DENND5B: variants seen among roughly 807,000 people sequenced by gnomAD.
DENND5B encodes the protein DENN domain containing 5B, also known as DENN domain-containing protein 5B.
Under a neutral mutation model 140.6 loss-of-function variants are expected in DENND5B, and 34 were observed. The ratio of observed to expected loss-of-function variants is 0.24; its 90% CI spans 0.18 to 0.32. DENND5B has a LOEUF of 0.32. Among genes scored for constraint, DENND5B ranks in the 10% least tolerant of loss-of-function variants. The probability of loss-of-function intolerance (pLI) is 1.00; values close to 1 mark genes in which losing one functional copy is unlikely to be tolerated. For missense variants in DENND5B, 1,142 were observed against 1,560.2 expected, an observed-to-expected ratio of 0.73 and a Z score of 4.52; for synonymous variants, 551 against 562.1, an observed-to-expected ratio of 0.98 and a Z score of 0.28.
intron 1 of DENND5B, among the ~76,000 whole-genome samples, chr12:31,584,144 C>T (rs1362873416): frequency 6.6e-6 from 1 of 152,158 alleles, no homozygotes; most frequent in Non-Finnish European, 1.5e-5. Context: ...AAAGGATGTG[C>T]ACAGGAATTT....
rs7132108 is a variant in DENND5B, at chr12:31,411,925, C to T, written c.2681+1511G>A. 8.6e-3 allele frequency among the ~76,000 whole-genome samples: 1,316 copies of T among 152,296 alleles called. 22 individuals carry two copies. The highest frequency in any genetic ancestry group is 0.03 in the African/African-American group (1,265 of 41,572). On this transcript the variant is annotated intron_variant, in intron 13 of 20. Transcript: ENST00000389082. ...TCAAAGTCCTTAGCCTTCAAATTAG[C>T]ACTAATGTAAATATAAGGGCAATAT...
intron 3 of DENND5B, among the ~76,000 whole-genome samples, chr12:31,462,236 C>T (rs927784908): frequency 2.0e-5 from 3 of 151,988 alleles, no homozygotes; most frequent in African/African-American, 7.2e-5. Flanking sequence ...AGCTGGTACT[C>T]TCTGTGCAGG....
intron 1 of DENND5B, among the ~76,000 whole-genome samples, chr12:31,535,844 A>C (rs1948475384): frequency 6.6e-6 from 1 of 152,216 alleles, no homozygotes; most frequent in African/African-American, 2.4e-5. Flanking sequence ...GAGATATGTG[A>C]CTGATATGGT....
chr12:31,512,161 C>G (rs143143045), intron 1 of DENND5B, among the ~76,000 whole-genome samples: 1 of 151,688 alleles, frequency 6.6e-6, no homozygotes, highest in African/African-American at 2.4e-5. Flanking sequence ...GTGATCTGCC[C>G]GCCTCGGCCT....
intron 14 of DENND5B, among the ~76,000 whole-genome samples, chr12:31,404,854 G>A (rs6487990): frequency 0.41 from 59,267 of 145,786 alleles, 12,389 homozygotes; most frequent in Admixed American, 0.58. Flanking sequence ...CTGCCTCCCG[G>A]GCTCAAGCGA....
In DENND5B at chr12:31,435,699, C is replaced by T. The variant is rs140313547; in HGVS notation, c.2013-2451G>A. On this transcript the variant is annotated intron_variant, in intron 7 of 20. Coordinates refer to ENST00000389082, the MANE Select transcript of DENND5B (RefSeq NM_144973.4). ...TGTTTGAGACGGAGTCTTGTTCTGT[C>T]GCCCAGGCTGGAGTACAGTGGCAAG... Among the ~76,000 whole-genome samples, 1,463 of 152,198 alleles carry T rather than the reference C, an allele frequency of 9.6e-3. 26 individuals are homozygous for T. The highest frequency in any genetic ancestry group is 0.033 in the African/African-American group (1,381 of 41,528).
At chr12:31,587,119 C>G (rs575504440) in intron 1 of DENND5B, among the ~76,000 whole-genome samples, 1 of 152,154 alleles carries the variant, frequency 6.6e-6, no homozygotes, top group African/African-American at 2.4e-5. Context: ...CAATCATTTG[C>G]GTGTCCTCCT....
intron 13 of DENND5B, 120 bp downstream of exon 13, chr12:31,413,316 G>A (rs1314121055): frequency 2.5e-6 from 3 of 1,193,914 alleles, no homozygotes; most frequent in East Asian, 5.1e-5. Flanking sequence ...AGATAAAGAA[G>A]AATGCATGTG....
chr12:31,515,298 C>T (rs1947587852), intron 1 of DENND5B, among the ~76,000 whole-genome samples: 1 of 152,048 alleles, frequency 6.6e-6, no homozygotes, highest in Non-Finnish European at 1.5e-5. Flanking sequence ...GAGTGAGACC[C>T]CATCTCTAAA....
intron 1 of DENND5B, among the ~76,000 whole-genome samples, chr12:31,555,660 A>G (rs1467274838): frequency 6.6e-6 from 1 of 152,256 alleles, no homozygotes; most frequent in Non-Finnish European, 1.5e-5. Flanking sequence ...TGGCGCCTAC[A>G]GATGCAGGCA....
At chr12:31,401,217 G>T (rs1301232298) in intron 15 of DENND5B, among the ~76,000 whole-genome samples, 3 of 152,220 alleles carry the variant, frequency 2.0e-5, no homozygotes, top group Non-Finnish European at 4.4e-5. Flanking sequence ...ACTTAGGGAT[G>T]ATGGCATCTT....
At chr12:31,421,811 C>G (rs1943037169) in intron 11 of DENND5B, among the ~76,000 whole-genome samples, 2 of 152,302 alleles carry the variant, frequency 1.3e-5, no homozygotes, top group South Asian at 4.1e-4. Flanking sequence ...CTTGCCCTCC[C>G]AAAGTGTTGG....
In DENND5B at chr12:31,478,512, G is replaced by C. The variant is rs141743715; in HGVS notation, c.904+1077C>G. The stretch of plus-strand genomic sequence containing the variant: ...TTGAGCCTAGGATTTTGAGAGTCCA[G>C]GGCAAGACAGTGACAGTCCGTCTCT... On this transcript the variant is annotated intron_variant, in intron 3 of 20. Transcript: ENST00000389082. Among the ~76,000 whole-genome samples, 3 of 152,176 alleles carry C rather than the reference G, an allele frequency of 2.0e-5. No individual in the cohort carries two copies. The East Asian group carries it at 5.8e-4, about 29-fold the overall frequency.
chr12:31,586,191 A>G (rs1469132389), intron 1 of DENND5B, among the ~76,000 whole-genome samples: 1 of 152,218 alleles, frequency 6.6e-6, no homozygotes, highest in Non-Finnish European at 1.5e-5. Context: ...TAAGATTTCA[A>G]AATGATGTCT....
At chr12:31,491,206 G>T (rs948776257) in intron 2 of DENND5B, among the ~76,000 whole-genome samples, 1 of 152,092 alleles carries the variant, frequency 6.6e-6, no homozygotes, top group African/African-American at 2.4e-5. Context: ...AGGCACAGTG[G>T]CTCACAGAGG....
chr12:31,501,050 T>C (rs1428610111), intron 1 of DENND5B, among the ~76,000 whole-genome samples: 1 of 152,164 alleles, frequency 6.6e-6, no homozygotes, highest in Admixed American at 6.5e-5. Context: ...ACATGACAAC[T>C]TATGGGGATG....
intron 1 of DENND5B, among the ~76,000 whole-genome samples, chr12:31,549,892 T>C (rs1360830503): frequency 6.6e-6 from 1 of 152,176 alleles, no homozygotes; most frequent in Admixed American, 6.5e-5. Context: ...TCCACGTCTT[T>C]GCTACTGCAG....
chr12:31,442,727 C>T, intron 7 of DENND5B, 48 bp downstream of exon 7: 2 of 1,584,554 alleles, frequency 1.3e-6, no homozygotes, highest in East Asian at 4.5e-5. Context: ...AGCACCCCAC[C>T]CTTCATTCAT....
At chr12:31,407,115 A>C (rs1942167055) in intron 14 of DENND5B, among the ~76,000 whole-genome samples, 1 of 151,110 alleles carries the variant, frequency 6.6e-6, no homozygotes, top group African/African-American at 2.4e-5. Context: ...GATTTAATTA[A>C]ATTAATTAAT....
Sources: gnomAD v4.1 joint callset for allele counts (sites outside exome capture counted in the v4.1 genomes callset) on GRCh38, gnomAD v4.1.1 for gene constraint, MANE v1.5 for transcripts, NCBI Gene and HGNC (gene_info 2026-07-23, HGNC 2026-07-21) for gene names.